The following CLDN10 variants were observed in gnomAD, a reference collection of about 807,000 sequenced individuals.
CLDN10 encodes claudin 10.
CLDN10 carries 15 observed loss-of-function variants against 22.9 expected under a neutral mutation model. The observed-to-expected ratio is 0.65, with a 90% confidence interval of 0.44 to 1.01. The LOEUF is 1.01. CLDN10 is among the 50% of genes least tolerant of loss of function. The probability of loss-of-function intolerance (pLI) is 0.00; values close to 1 mark genes in which losing one functional copy is unlikely to be tolerated. For missense variants in CLDN10, 247 were observed against 287.8 expected, an observed-to-expected ratio of 0.86 and a Z score of 1.03; for synonymous variants, 114 against 111.4, an observed-to-expected ratio of 1.02 and a Z score of -0.15.
intron 1 of CLDN10, among the ~76,000 whole-genome samples, chr13:95,447,951 G>A (rs1047539885): frequency 2.0e-5 from 3 of 152,102 alleles, no homozygotes; most frequent in Non-Finnish European, 4.4e-5. Context: ...CAGCTATGCC[G>A]CCTCTCCCTT....
intron 1 of CLDN10, among the ~76,000 whole-genome samples, chr13:95,460,114 C>T (rs567396846): frequency 1.3e-5 from 2 of 152,286 alleles, no homozygotes; most frequent in East Asian, 1.9e-4. Context: ...CAAAAAGATC[C>T]TCATCTCCAT....
intron 1 of CLDN10, among the ~76,000 whole-genome samples, chr13:95,490,640 T>C (rs1201212200): frequency 6.6e-6 from 1 of 152,208 alleles, no homozygotes; most frequent in Admixed American, 6.5e-5. Context: ...GTGCTTGATA[T>C]AATTTCAATT....
At chr13:95,497,786 T>C (rs2042943954) in intron 1 of CLDN10, among the ~76,000 whole-genome samples, 1 of 151,994 alleles carries the variant, frequency 6.6e-6, no homozygotes, top group Non-Finnish European at 1.5e-5. Flanking sequence ...TTGCCAAACA[T>C]TTTTCTCTCA....
chr13:95,529,076 G>A (rs568968614), intron 1 of CLDN10, among the ~76,000 whole-genome samples: 2 of 151,578 alleles, frequency 1.3e-5, no homozygotes, highest in South Asian at 4.2e-4. Context: ...GAACTGGTGG[G>A]GTCAGTAAGA....
intron 3 of CLDN10, among the ~76,000 whole-genome samples, chr13:95,563,283 GTTATA>G (rs2043742714): frequency 6.6e-6 from 1 of 151,966 alleles, no homozygotes; most frequent in Non-Finnish European, 1.5e-5. Flanking sequence ...CTCTTATTGT[GTTATA>G]TTAATTATTA....
chr13:95,537,835 G>T (rs114986654), intron 1 of CLDN10, among the ~76,000 whole-genome samples: 1 of 152,166 alleles, frequency 6.6e-6, no homozygotes, highest in Non-Finnish European at 1.5e-5. Flanking sequence ...GGGTAATTTG[G>T]ATTGGCTTCC....
chr13:95,447,650 CT>C (rs1216969394), intron 1 of CLDN10, among the ~76,000 whole-genome samples: 1 of 152,072 alleles, frequency 6.6e-6, no homozygotes, highest in Non-Finnish European at 1.5e-5. Flanking sequence ...CCAGGACTTG[CT>C]TTCTCTCACC....
intron 1 of CLDN10, among the ~76,000 whole-genome samples, chr13:95,554,515 G>T (rs2043609351): frequency 6.6e-6 from 1 of 152,168 alleles, no homozygotes; most frequent in Non-Finnish European, 1.5e-5. Flanking sequence ...GGCAGATCGG[G>T]CCGGGAGTGA....
chr13:95,566,776 T>C (rs1171630408), intron 3 of CLDN10, among the ~76,000 whole-genome samples: 2 of 152,236 alleles, frequency 1.3e-5, no homozygotes, highest in East Asian at 1.9e-4. Context: ...AATTCTTTAA[T>C]CCATCTTGAG....
intron 1 of CLDN10, among the ~76,000 whole-genome samples, chr13:95,492,794 T>A (rs1030754163): frequency 1.3e-5 from 2 of 152,158 alleles, no homozygotes; most frequent in African/African-American, 4.8e-5. Flanking sequence ...CCCTGTGGTG[T>A]CAGGCAGGAA....
At chr13:95,559,392 G>A (rs1028939262) in intron 1 of CLDN10, among the ~76,000 whole-genome samples, 1 of 152,162 alleles carries the variant, frequency 6.6e-6, no homozygotes, top group African/African-American at 2.4e-5. Context: ...GAACATACTC[G>A]TTAGGGTACT....
chr13:95,575,590 CGT>C (rs112441621), intron 3 of CLDN10, among the ~76,000 whole-genome samples: 1 of 151,624 alleles, frequency 6.6e-6, no homozygotes, highest in Non-Finnish European at 1.5e-5. Context: ...CTGCTCAGTT[CGT>C]GTGTGTGTGT....
upstream of CLDN10, among the ~76,000 whole-genome samples, chr13:95,549,292 T>C (rs1018206726): frequency 6.6e-6 from 1 of 152,270 alleles, no homozygotes; most frequent in Admixed American, 6.5e-5. Context: ...TAGTCTCTTA[T>C]GAAATTTCAG....
At chr13:95,486,642 T>C (rs537597470) in intron 1 of CLDN10, among the ~76,000 whole-genome samples, 1 of 152,150 alleles carries the variant, frequency 6.6e-6, no homozygotes, top group African/African-American at 2.4e-5. Flanking sequence ...TCCCCTGGAA[T>C]TGGTAACCAG....
chr13:95,499,466 C>A (rs111747167), intron 1 of CLDN10, among the ~76,000 whole-genome samples: 11 of 152,214 alleles, frequency 7.2e-5, no homozygotes, highest in African/African-American at 2.4e-4. Context: ...CACTTGAACC[C>A]GGGAGGCAGA....
chr13:95,460,829 C>T (rs2139088868), intron 1 of CLDN10, among the ~76,000 whole-genome samples: 1 of 152,212 alleles, frequency 6.6e-6, no homozygotes. Context: ...TAATTTTTAG[C>T]TGGGTGCGGT....
At chr13:95,489,204 C>A (rs1039829240) in intron 1 of CLDN10, among the ~76,000 whole-genome samples, 9 of 152,042 alleles carry the variant, frequency 5.9e-5, no homozygotes, top group African/African-American at 2.2e-4. Context: ...CTGCCTTGGC[C>A]TCCCAAAGTG....
At chr13:95,471,798 G>A (rs971073496) in intron 1 of CLDN10, among the ~76,000 whole-genome samples, 1 of 151,902 alleles carries the variant, frequency 6.6e-6, no homozygotes, top group African/African-American at 2.4e-5. Context: ...CTTGTCACCA[G>A]CCTGGAGTGC....
Position 95,578,212 on chromosome 13 carries a change from T to G in CLDN10, c.*198T>G. On this transcript the variant is annotated 3_prime_UTR_variant, in exon 5 of 5. Coordinates refer to ENST00000299339, the MANE Select transcript of CLDN10 (RefSeq NM_006984.5). ...AATCATTTTCTGTTGTGGCTTTCTA[T>G]AAAAAATAAACAGTTTATTTACAGG... is the stretch of plus-strand genomic sequence containing the variant. The G allele has an allele frequency of 2.6e-6, 1 of 389,840 alleles. No homozygotes were observed. The highest frequency in any genetic ancestry group is 4.6e-6 in the Non-Finnish European group (1 of 218,566). The allele number at this position is 389,840 out of a possible 1,614,324, so 24.1% of individuals were successfully genotyped here.
Sources: gnomAD v4.1 joint callset for allele counts (sites outside exome capture counted in the v4.1 genomes callset) on GRCh38, gnomAD v4.1.1 for gene constraint, MANE v1.5 for transcripts, NCBI Gene and HGNC (gene_info 2026-07-23, HGNC 2026-07-21) for gene names.